ADAMTS2: variants seen among roughly 807,000 people sequenced by gnomAD.
ADAMTS2 encodes the protein ADAM metallopeptidase with thrombospondin type 1 motif 2, also known as A disintegrin and metalloproteinase with thrombospondin motifs 2.
Under a neutral mutation model 123.0 loss-of-function variants are expected in ADAMTS2, and 50 were observed. The ratio of observed to expected loss-of-function variants is 0.41; its 90% CI spans 0.32 to 0.51. ADAMTS2 has a LOEUF of 0.51. ADAMTS2 is among the 20% of genes least tolerant of loss of function. The pLI is 0.35. For synonymous variants in ADAMTS2, 678 were observed against 695.4 expected, an observed-to-expected ratio of 0.98 and a Z score of 0.39; for missense variants, 1,494 against 1,705.2, an observed-to-expected ratio of 0.88 and a Z score of 2.18.
At chr5:179,238,066 C>T (rs1344225417) in intron 3 of ADAMTS2, among the ~76,000 whole-genome samples, 1 of 152,164 alleles carries the variant, frequency 6.6e-6, no homozygotes, top group Admixed American at 6.5e-5. Context: ...CTTGGAGAGA[C>T]TTTGGGGAGG....
intron 4 of ADAMTS2, among the ~76,000 whole-genome samples, chr5:179,205,872 C>T (rs1167456592): frequency 6.6e-6 from 1 of 151,964 alleles, no homozygotes; most frequent in South Asian, 2.1e-4. Flanking sequence ...CCCAGGTTCA[C>T]GCCATTCTCC....
rs1037111553 is a variant in ADAMTS2, at chr5:179,158,131, A to AT, written c.1132+591dup. Among the ~76,000 whole-genome samples, 9 of 151,766 alleles carry AT rather than the reference A, an allele frequency of 5.9e-5. No homozygotes were observed. The highest frequency in any genetic ancestry group is 8.8e-5 in the Non-Finnish European group (6 of 67,934). ...AGGCGCCCGCCACCATGCCCTGCTA[A>AT]TTTTTTTGTATTTTTATTAGAGACG... On this transcript the variant is annotated intron_variant, in intron 6 of 21. Transcript: ENST00000251582. This position sits in a 1 kb window ranked among gnomAD's most constrained non-coding sequence, Gnocchi z 5.0.
intron 3 of ADAMTS2, among the ~76,000 whole-genome samples, chr5:179,245,485 G>GAAGAATAGAGCTATATAAGAGTAAT (rs1765763973): frequency 6.6e-6 from 1 of 151,986 alleles, no homozygotes; most frequent in African/African-American, 2.4e-5. Context: ...GATGGGGGTG[G>GAAGAATAGAGCTATATAAGAGTAAT]GCCGGGCGCG....
chr5:179,155,091 C>G lies in ADAMTS2; in HGVS notation c.1133-172G>C, dbSNP rs1486105447. Reference sequence around the variant, plus strand: ...AGACACCACAGCAGACAGCTCATAGCCTGTGACATCTGGCTGACAGCAGGC... The same window carrying G: ...AGACACCACAGCAGACAGCTCATAGGCTGTGACATCTGGCTGACAGCAGGC... On this transcript the variant is annotated intron_variant, in intron 6 of 21. Coordinates refer to ENST00000251582, the MANE Select transcript of ADAMTS2 (RefSeq NM_014244.5). This position sits in a 1 kb window ranked among gnomAD's most constrained non-coding sequence, Gnocchi z 5.1. 6.6e-6 allele frequency among the ~76,000 whole-genome samples: 1 copy of G among 152,256 alleles called. No homozygotes were observed. Among genetic ancestry groups the G allele is most frequent in the Non-Finnish European group, 1.5e-5 (1 of 68,044 alleles).
chr5:179,299,098 C>A (rs1756425023), intron 2 of ADAMTS2, among the ~76,000 whole-genome samples: 1 of 151,850 alleles, frequency 6.6e-6, no homozygotes, highest in Non-Finnish European at 1.5e-5. Flanking sequence ...GAAGAGAGAG[C>A]AACCATAAAC....
rs936614424 is a variant in ADAMTS2, at chr5:179,189,237, GC to G, written c.892-8083del. On this transcript the variant is annotated intron_variant, in intron 4 of 21. Coordinates refer to ENST00000251582, the MANE Select transcript of ADAMTS2 (RefSeq NM_014244.5). The surrounding 1 kb of genome is among the most constrained non-coding windows in gnomAD (Gnocchi z 4.2). ...AAACAGGCTTTGTGTGAGCAATAAA[GC>G]TTTTTAATCACCTGGGTGCAGGTGG... Among the ~76,000 whole-genome samples the G allele has an allele frequency of 7.0e-4, 107 of 152,326 alleles. No individual in the cohort carries two copies. The highest frequency in any genetic ancestry group is 2.4e-3 in the African/African-American group (99 of 41,578).
intron 3 of ADAMTS2, among the ~76,000 whole-genome samples, chr5:179,210,986 T>C (rs1237157185): frequency 2.6e-5 from 4 of 152,230 alleles, no homozygotes; most frequent in Non-Finnish European, 5.9e-5. Context: ...AGCCTTGCTA[T>C]AGGGAGCTCT....
At chr5:179,239,963 C>T (rs565855934) in intron 3 of ADAMTS2, among the ~76,000 whole-genome samples, 1 of 152,218 alleles carries the variant, frequency 6.6e-6, no homozygotes, top group East Asian at 1.9e-4. Context: ...GTGCCTCTGG[C>T]AGAGTGGCAC....
At chr5:179,302,636 T>G (rs969504508) in intron 2 of ADAMTS2, among the ~76,000 whole-genome samples, 8 of 150,840 alleles carry the variant, frequency 5.3e-5, no homozygotes, top group African/African-American at 1.9e-4. Context: ...GGGTGCTATC[T>G]CCCGGGGGGG....
Position 179,126,103 on chromosome 5 carries a change from C to A in ADAMTS2, c.2645G>T (p.Arg882Leu), listed in dbSNP as rs775351961. 6.2e-7 allele frequency: 1 copy of A among 1,612,972 alleles called. No individual in the cohort carries two copies. The highest frequency in any genetic ancestry group is 8.5e-7 in the Non-Finnish European group (1 of 1,180,014). The stretch of plus-strand genomic sequence containing the variant: ...TACCATCTTGTGGTCCAGCCTCCGG[C>A]GGCAGCCATACTTGGTGAACTGGGA... ...GGSQFTKYGC[R>L]RRLDHKMVHR... The change falls in exon 18 of 22, where the codon CGC becomes CTC. Residue 882 changes from arginine to leucine, a missense_variant. This residue lies in a region of ADAMTS2 where 953 missense variants were observed against 1,124.7 expected (regional missense o/e 0.85). Coordinates refer to ENST00000251582, the MANE Select transcript of ADAMTS2 (RefSeq NM_014244.5).
At chr5:179,238,810 G>A (rs534308253) in intron 3 of ADAMTS2, among the ~76,000 whole-genome samples, 1 of 152,250 alleles carries the variant, frequency 6.6e-6, no homozygotes, top group East Asian at 1.9e-4. Context: ...GCCACTGTGG[G>A]ATTTCCAGCA....
intron 3 of ADAMTS2, among the ~76,000 whole-genome samples, chr5:179,223,486 ACT>A (rs1401069600): frequency 6.7e-6 from 1 of 148,572 alleles, no homozygotes; most frequent in Admixed American, 6.7e-5. Flanking sequence ...ACACAAATGG[ACT>A]CACACTCACA....
chr5:179,141,571 T>TTC (rs1465785578), intron 10 of ADAMTS2, among the ~76,000 whole-genome samples: 4 of 152,204 alleles, frequency 2.6e-5, no homozygotes, highest in Admixed American at 6.5e-5. Flanking sequence ...CTTTTTTTTT[T>TTC]TCTCAAGAAA....
rs939693508 is a variant in ADAMTS2 at position 179,188,017 on chromosome 5, C to T, written c.892-6862G>A. On this transcript the variant is annotated intron_variant, in intron 4 of 21. Transcript: ENST00000251582. This position sits in a 1 kb window ranked among gnomAD's most constrained non-coding sequence, Gnocchi z 5.1. ...GCTGCTGGGCAGAGGTGACTTTGTC[C>T]TCTGCCAAGGTGGGGGAGGGGTGCA... Among the ~76,000 whole-genome samples, 3 of 151,930 alleles carry T rather than the reference C, an allele frequency of 2.0e-5. No homozygotes were observed. Among genetic ancestry groups the T allele is most frequent in the African/African-American group, 7.3e-5 (3 of 41,356 alleles).
rs1766051961 is a variant in ADAMTS2, at chr5:179,256,369, G to T, written c.688+16542C>A. 6.6e-6 allele frequency among the ~76,000 whole-genome samples: 1 copy of T among 152,300 alleles called. No homozygotes were observed. The highest frequency in any genetic ancestry group is 1.5e-5 in the Non-Finnish European group (1 of 68,020). The stretch of plus-strand genomic sequence containing the variant: ...GGCCTGAGGCCTCAGCTGAGGCCAA[G>T]GCAGCAGGACTCATCCAGAGACAGG... On this transcript the variant is annotated intron_variant, in intron 3 of 21. Coordinates refer to ENST00000251582, the MANE Select transcript of ADAMTS2 (RefSeq NM_014244.5). This position sits in a 1 kb window ranked among gnomAD's most constrained non-coding sequence, Gnocchi z 4.1.
chr5:179,145,981 T>G (rs1333176800), intron 10 of ADAMTS2, among the ~76,000 whole-genome samples: 1 of 152,064 alleles, frequency 6.6e-6, no homozygotes, highest in Non-Finnish European at 1.5e-5. Flanking sequence ...GCCTCCTGAG[T>G]AGTTGGGATT....
Position 179,282,108 on chromosome 5 carries a change from C to A in ADAMTS2, c.535-9044G>T, listed in dbSNP as rs533209785. Reference sequence around the variant, plus strand: ...TTCTGTGGGCTGTCTTTTCAACTTTCTTATTAGTGTCCACTGAAGTCATGA... The same window carrying A: ...TTCTGTGGGCTGTCTTTTCAACTTTATTATTAGTGTCCACTGAAGTCATGA... On this transcript the variant is annotated intron_variant, in intron 2 of 21. Coordinates refer to ENST00000251582, the MANE Select transcript of ADAMTS2 (RefSeq NM_014244.5). Among the ~76,000 whole-genome samples the A allele has an allele frequency of 2.6e-4, 39 of 152,150 alleles. 1 individual carries two copies. Among genetic ancestry groups the A allele is most frequent in the Admixed American group, 5.2e-4 (8 of 15,272 alleles).
At chr5:179,335,937 C>T (rs1174999785) in intron 2 of ADAMTS2, among the ~76,000 whole-genome samples, 1 of 152,208 alleles carries the variant, frequency 6.6e-6, no homozygotes, top group Non-Finnish European at 1.5e-5. Context: ...CAAACCTTGT[C>T]GTTTAGGGGT....
chr5:179,209,554 A>ACACGCACACACACATG (rs1169391930), intron 3 of ADAMTS2, among the ~76,000 whole-genome samples: 1 of 150,860 alleles, frequency 6.6e-6, no homozygotes, highest in African/African-American at 2.5e-5. Flanking sequence ...ACATGTACAC[A>ACACGCACACACACATG]CACACAAGCA....
Sources: allele counts gnomAD v4.1 joint callset (sites outside exome capture counted in the v4.1 genomes callset), GRCh38; gene constraint gnomAD v4.1.1; regional missense constraint gnomAD v4.1.1; non-coding constraint Gnocchi (gnomAD v3.1); transcripts MANE v1.5; gene names NCBI Gene and HGNC (gene_info 2026-07-23, HGNC 2026-07-21).